GABRB3: variants seen among roughly 807,000 people sequenced by gnomAD.
GABRB3 encodes the protein gamma-aminobutyric acid type A receptor subunit beta3.
GABRB3 carries 14 observed loss-of-function variants against 52.1 expected under a neutral mutation model. The observed-to-expected ratio is 0.27, with a 90% CI of 0.18 to 0.42. The LOEUF is 0.42. GABRB3 is among the 10% of genes least tolerant of loss of function. The pLI is 1.00. For synonymous variants in GABRB3, 260 were observed against 232.3 expected, an observed-to-expected ratio of 1.12 and a Z score of -1.08; for missense variants, 307 against 609.1, an observed-to-expected ratio of 0.50 and a Z score of 5.22.
At chr15:26,731,900 T>C (rs1388976262) in intron 3 of GABRB3, among the ~76,000 whole-genome samples, 4 of 152,352 alleles carry the variant, frequency 2.6e-5, no homozygotes, top group South Asian at 4.1e-4. Flanking sequence ...CTGATGTTTA[T>C]TTCCTGGTAA....
At chr15:26,673,863 A>C (rs965791517) in intron 3 of GABRB3, among the ~76,000 whole-genome samples, 3 of 152,228 alleles carry the variant, frequency 2.0e-5, no homozygotes, top group African/African-American at 7.2e-5. Context: ...ATTATGGGGA[A>C]AACTCCACAT....
At chr15:26,664,147 C>G (rs932249551) in intron 3 of GABRB3, among the ~76,000 whole-genome samples, 2 of 152,136 alleles carry the variant, frequency 1.3e-5, no homozygotes, top group African/African-American at 2.4e-5. Flanking sequence ...TGGACTCAAG[C>G]GACCCTCACC....
chr15:26,620,809 A>C (rs1892454767), intron 4 of GABRB3, among the ~76,000 whole-genome samples: 1 of 152,180 alleles, frequency 6.6e-6, no homozygotes, highest in African/African-American at 2.4e-5. Context: ...TTATATTATG[A>C]GAGCTGGAGA....
At chr15:26,689,408 A>G (rs1888508093) in intron 3 of GABRB3, among the ~76,000 whole-genome samples, 1 of 152,152 alleles carries the variant, frequency 6.6e-6, no homozygotes, top group Admixed American at 6.5e-5. Flanking sequence ...ACAGGCTGGA[A>G]ACAGACACTT....
intron 3 of GABRB3, among the ~76,000 whole-genome samples, chr15:26,759,601 CTTAAAATTATCTGCA>C (rs1890757841): frequency 6.6e-6 from 1 of 152,196 alleles, no homozygotes; most frequent in South Asian, 2.1e-4. Context: ...GACATCCAAG[CTTAAAATTATCTGCA>C]TTAAATGCTG....
At position 26,653,660 on chromosome 15, in the gene GABRB3, C is replaced by T. The variant is rs563767975; in HGVS notation, c.241-32126G>A. On this transcript the variant is annotated intron_variant, in intron 3 of 8. Coordinates refer to ENST00000311550, the MANE Select transcript of GABRB3 (RefSeq NM_000814.6). ...CAATTCCTCTATCTTGATATATTGG[C>T]TGTATCTGGGCAGCAGGCAAAATGG... Among the ~76,000 whole-genome samples the T allele has an allele frequency of 4.6e-5, 7 of 152,294 alleles. No homozygotes were observed. In the South Asian group the frequency reaches 1.5e-3, roughly 32 times the overall value.
At chr15:26,699,674 A>T (rs1351095467) in intron 3 of GABRB3, among the ~76,000 whole-genome samples, 1 of 152,172 alleles carries the variant, frequency 6.6e-6, no homozygotes, top group Non-Finnish European at 1.5e-5. Flanking sequence ...CACAGATGGA[A>T]GTAGCTATAC....
intron 4 of GABRB3, among the ~76,000 whole-genome samples, chr15:26,598,224 A>G (rs546359386): frequency 4.9e-4 from 75 of 152,316 alleles, no homozygotes; most frequent in African/African-American, 1.7e-3. Context: ...TTTAATCAAT[A>G]AACTGGTCGA....
intron 3 of GABRB3, among the ~76,000 whole-genome samples, chr15:26,712,528 C>A (rs1265723577): frequency 1.3e-5 from 2 of 152,006 alleles, no homozygotes; most frequent in Admixed American, 1.3e-4. Context: ...GATTCTCTGA[C>A]GAACAAGGAC....
At chr15:26,572,333 T>G (rs545342397) in intron 6 of GABRB3, among the ~76,000 whole-genome samples, 27 of 152,292 alleles carry the variant, frequency 1.8e-4, no homozygotes, top group African/African-American at 6.5e-4. Flanking sequence ...AGGTTTCACA[T>G]TGTATGCACC....
At chr15:26,622,636 T>C (rs1467897170) in intron 3 of GABRB3, among the ~76,000 whole-genome samples, 1 of 152,206 alleles carries the variant, frequency 6.6e-6, no homozygotes, top group Non-Finnish European at 1.5e-5. Flanking sequence ...GGTTGAAGAA[T>C]CCAGTCTCGA....
At position 26,603,565 on chromosome 15, in the gene GABRB3, A is replaced by C. The variant is rs150604469; in HGVS notation, c.461+17749T>G. ...CGAAATTCAAGAATATGTTAAAACAATCATTTATCAAGACCAAATGGTATT... is the reference window on the plus strand; with the variant it reads ...CGAAATTCAAGAATATGTTAAAACACTCATTTATCAAGACCAAATGGTATT... On this transcript the variant is annotated intron_variant, in intron 4 of 8. Coordinates refer to ENST00000311550, the MANE Select transcript of GABRB3 (RefSeq NM_000814.6). Among the ~76,000 whole-genome samples, 19 of 152,214 alleles carry C rather than the reference A, an allele frequency of 1.2e-4. No homozygotes were observed. In the East Asian group the frequency reaches 3.7e-3, roughly 29 times the overall value.
At chr15:26,765,756 AT>A (rs1256378101) in intron 3 of GABRB3, among the ~76,000 whole-genome samples, 1 of 152,184 alleles carries the variant, frequency 6.6e-6, no homozygotes, top group African/African-American at 2.4e-5. Context: ...ATTTAACACT[AT>A]AATAAGTGTT....
rs539337030 is a variant in GABRB3, at chr15:26,606,058, C to T, written c.461+15256G>A. On this transcript the variant is annotated intron_variant, in intron 4 of 8. Coordinates refer to ENST00000311550, the MANE Select transcript of GABRB3 (RefSeq NM_000814.6). The stretch of plus-strand genomic sequence containing the variant: ...CAGGTCTCTTGAGAACTCACTATCA[C>T]GAGAACAGCAAGGGGGAAATCAGCC... Among the ~76,000 whole-genome samples the T allele has an allele frequency of 9.5e-5, 14 of 147,982 alleles. No homozygotes were observed. The South Asian group carries it at 3.0e-3, about 32-fold the overall frequency.
chr15:26,726,695 G>C (rs903857422), intron 3 of GABRB3, among the ~76,000 whole-genome samples: 1 of 152,164 alleles, frequency 6.6e-6, no homozygotes. Flanking sequence ...CATACAAGGA[G>C]GGACACGATG....
chr15:26,752,255 T>C (rs1340438261), intron 3 of GABRB3, among the ~76,000 whole-genome samples: 2 of 149,608 alleles, frequency 1.3e-5, no homozygotes, highest in African/African-American at 4.9e-5. Context: ...ATTTATTTAT[T>C]TATTTATTTA....
intron 3 of GABRB3, among the ~76,000 whole-genome samples, chr15:26,708,584 A>C (rs184280277): frequency 2.5e-4 from 38 of 152,342 alleles, no homozygotes; most frequent in African/African-American, 8.4e-4. Flanking sequence ...CCTCCAGGGA[A>C]TAGGCGATGA....
intron 3 of GABRB3, among the ~76,000 whole-genome samples, chr15:26,638,732 G>C (rs1461301023): frequency 6.6e-6 from 1 of 152,102 alleles, no homozygotes; most frequent in African/African-American, 2.4e-5. Flanking sequence ...TCTTATTTTT[G>C]CATGTAATCA....
At chr15:26,727,491 A>G (rs978139040) in intron 3 of GABRB3, among the ~76,000 whole-genome samples, 1 of 151,946 alleles carries the variant, frequency 6.6e-6, no homozygotes, top group African/African-American at 2.4e-5. Context: ...GTTTCAATAG[A>G]CTCCCAACAT....
Sources: allele counts gnomAD v4.1 joint callset (sites outside exome capture counted in the v4.1 genomes callset), GRCh38; gene constraint gnomAD v4.1.1; transcripts MANE v1.5; gene names NCBI Gene and HGNC (gene_info 2026-07-23, HGNC 2026-07-21).